Variants in KDM4A observed in about 807,000 individuals in gnomAD.
KDM4A encodes the protein lysine demethylase 4A, also known as lysine-specific demethylase 4A.
KDM4A carries 23 observed loss-of-function variants against 127.1 expected under a neutral mutation model. That is an observed-to-expected ratio of 0.18 (90% CI 0.13 to 0.26). The LOEUF (loss-of-function observed/expected upper bound fraction) is 0.26. Among genes scored for constraint, KDM4A ranks in the 10% least tolerant of loss-of-function variants. The pLI is 1.00. For missense variants in KDM4A, 890 were observed against 1,329.1 expected (o/e 0.67, Z 5.14); for synonymous variants, 443 against 466.5 (o/e 0.95, Z 0.65).
At chr1:43,659,974 C>A (rs934475078) in intron 3 of KDM4A, among the ~76,000 whole-genome samples, 17 of 152,058 alleles carry the variant, frequency 1.1e-4, no homozygotes, top group African/African-American at 4.1e-4. Context: ...GTCTGTAAGC[C>A]CATTTTCTCC....
chr1:43,658,443 T>C (rs986637517), intron 3 of KDM4A, among the ~76,000 whole-genome samples: 7 of 151,794 alleles, frequency 4.6e-5, no homozygotes, highest in African/African-American at 1.7e-4. Flanking sequence ...GAATGTTAGG[T>C]CTCTAAAATT....
At chr1:43,685,409 C>T (rs1392242739) in intron 12 of KDM4A, among the ~76,000 whole-genome samples, 3 of 151,918 alleles carry the variant, frequency 2.0e-5, no homozygotes, top group African/African-American at 4.8e-5. Flanking sequence ...CCCTGTCCTA[C>T]CTGGTCCTCT....
chr1:43,668,126 T>C, intron 9 of KDM4A, 107 bp downstream of exon 9: 2 of 1,401,648 alleles, frequency 1.4e-6, no homozygotes, highest in Non-Finnish European at 1.9e-6. Flanking sequence ...TGTTTTGTTT[T>C]TGTTTTTGTT....
intron 8 of KDM4A, 57 bp downstream of exon 8, chr1:43,667,148 T>A: frequency 1.9e-6 from 3 of 1,593,974 alleles, no homozygotes; most frequent in South Asian, 2.2e-5. Flanking sequence ...AAATTCTGGT[T>A]AGATACGTTG....
rs1221460743 is a variant in KDM4A, at chr1:43,660,166, GAAGGCCA to G, written c.315-130_315-124del. The G allele has an allele frequency of 8.0e-6, 8 of 997,436 alleles. No individual in the cohort carries two copies. The East Asian group carries it at 1.9e-4, about 24-fold the overall frequency. The allele number at this position is 997,436 out of a possible 1,614,324, so 61.8% of individuals were successfully genotyped here. ...GGGACTGACTACGTATTAGAGCCTT[GAAGGCCA>G]AGATTATGCCTTGTTCATTTGAAAT... On this transcript the variant is annotated intron_variant, in intron 3 of 21. Coordinates refer to ENST00000372396, the MANE Select transcript of KDM4A (RefSeq NM_014663.3).
At chr1:43,690,740 A>C in intron 13 of KDM4A, 105 bp from the exon 14 acceptor site, 1 of 1,041,046 alleles carries the variant, frequency 9.6e-7, no homozygotes, top group South Asian at 1.3e-5. Context: ...AGCTGTAGCC[A>C]TAGTCAGATC....
chr1:43,676,058 G>A lies in KDM4A; in HGVS notation c.1734+4183G>A, dbSNP rs1326016957. 4.8e-5 allele frequency among the ~76,000 whole-genome samples: 7 copies of A among 145,572 alleles called. No individual in the cohort carries two copies. The East Asian group carries it at 1.2e-3, about 26-fold the overall frequency. ...ATCACACCACTGCACTCCAGTCTGG[G>A]CAAAAGAGTGAAACTTTACCTCAAA... On this transcript the variant is annotated intron_variant, in intron 11 of 21. Transcript: ENST00000372396.
At chr1:43,680,915 T>C (rs191323704) in intron 11 of KDM4A, among the ~76,000 whole-genome samples, 2 of 152,352 alleles carry the variant, frequency 1.3e-5, no homozygotes, top group East Asian at 3.9e-4. Context: ...TGTGGGCATA[T>C]TGGGGAACCA....
chr1:43,682,219 T>C (rs922820420), intron 11 of KDM4A, among the ~76,000 whole-genome samples: 3 of 152,192 alleles, frequency 2.0e-5, no homozygotes, highest in Non-Finnish European at 2.9e-5. Context: ...GCTGGGATTA[T>C]AGGCGTGAGC....
At chr1:43,703,481 A>G (rs887285345) in intron 19 of KDM4A, 136 bp from the exon 20 acceptor site, 2 of 1,124,342 alleles carry the variant, frequency 1.8e-6, no homozygotes, top group Non-Finnish European at 2.5e-6. Context: ...AACTGTTAAC[A>G]TTTTTCAGCC....
At position 43,663,237 on chromosome 1, in the gene KDM4A, T is replaced by G; in HGVS notation, c.623+150T>G. On this transcript the variant is annotated intron_variant, in intron 5 of 21. Coordinates refer to ENST00000372396, the MANE Select transcript of KDM4A (RefSeq NM_014663.3). ...TCCATGTTTTAAACACACTTTCAAG[T>G]GCTAAGATGCTTGCTGTTGGAGCTC... is the stretch of plus-strand genomic sequence containing the variant. 4.6e-6 allele frequency: 3 copies of G among 657,738 alleles called. No homozygotes were observed. In the South Asian group the frequency reaches 6.4e-5, roughly 14 times the overall value. 40.7% of individuals were successfully genotyped at this position (657,738 alleles called of 1,614,324 possible). A position where few individuals can be genotyped will look rare whatever the true frequency, so the allele number is the denominator to read the frequency against.
rs76803214 is a variant in KDM4A, at chr1:43,673,653, G to T, written c.1734+1778G>T. On this transcript the variant is annotated intron_variant, in intron 11 of 21. Coordinates refer to ENST00000372396, the MANE Select transcript of KDM4A (RefSeq NM_014663.3). Reference sequence around the variant, plus strand: ...AGGCTAATGAGCTAATAACTACTGTGTTTCCTTCTCATTGCCTCTGATTGC... The same window carrying T: ...AGGCTAATGAGCTAATAACTACTGTTTTTCCTTCTCATTGCCTCTGATTGC... Among the ~76,000 whole-genome samples the T allele has an allele frequency of 6.0e-3, 917 of 152,120 alleles. 8 individuals carry two copies. The highest frequency in any genetic ancestry group is 0.021 in the African/African-American group (876 of 41,504).
Position 43,705,263 on chromosome 1 carries a change from A to G in KDM4A, c.*893A>G, listed in dbSNP as rs1455029797. ...ACTGGGGCCATTGGAGGCCCACTGTAGGTGGGAGGGAGCTGATTTTGGGGT... is the reference window on the plus strand; with the variant it reads ...ACTGGGGCCATTGGAGGCCCACTGTGGGTGGGAGGGAGCTGATTTTGGGGT... On this transcript the variant is annotated 3_prime_UTR_variant, in exon 22 of 22. Coordinates refer to ENST00000372396, the MANE Select transcript of KDM4A (RefSeq NM_014663.3). The G allele has an allele frequency of 2.7e-5, 3 of 111,176 alleles. No homozygotes were observed. Among genetic ancestry groups the G allele is most frequent in the Non-Finnish European group, 5.1e-5 (3 of 58,828 alleles). 6.9% of individuals were successfully genotyped at this position (111,176 alleles called of 1,614,324 possible). A position where few individuals can be genotyped will look rare whatever the true frequency, so the allele number is the denominator to read the frequency against.
At chr1:43,702,037 C>A (rs1256222456) in intron 19 of KDM4A, 1 of 152,200 alleles carries the variant, frequency 6.6e-6, no homozygotes, top group Admixed American at 6.5e-5. Context: ...GTGAAAAATG[C>A]AATAACAACT....
intron 1 of KDM4A, among the ~76,000 whole-genome samples, chr1:43,652,723 C>G (rs113549389): frequency 6.7e-6 from 1 of 148,304 alleles, no homozygotes; most frequent in East Asian, 2.0e-4. Context: ...CTCTTGTTGC[C>G]CAGTCTGGAG....
At chr1:43,656,843 AGCCTCCCGAGTAGCT>A (rs959660838) in intron 3 of KDM4A, among the ~76,000 whole-genome samples, 4 of 151,386 alleles carry the variant, frequency 2.6e-5, no homozygotes, top group Admixed American at 6.6e-5. Flanking sequence ...CTCCTGTCTC[AGCCTCCCGAGTAGCT>A]GGGATTACAT....
intron 11 of KDM4A, among the ~76,000 whole-genome samples, chr1:43,676,330 AT>A (rs991679014): frequency 1.3e-5 from 2 of 150,914 alleles, no homozygotes; most frequent in Non-Finnish European, 1.5e-5. Context: ...CCCACAAATA[AT>A]TTTTTTTTGA....
rs574747072 is a variant in KDM4A at position 43,675,986 on chromosome 1, C to T, written c.1734+4111C>T. 8.2e-4 allele frequency among the ~76,000 whole-genome samples: 124 copies of T among 150,556 alleles called. 1 individual carries two copies. Among genetic ancestry groups the T allele is most frequent in the African/African-American group, 2.9e-3 (117 of 40,974 alleles). On this transcript the variant is annotated intron_variant, in intron 11 of 21. Coordinates refer to ENST00000372396, the MANE Select transcript of KDM4A (RefSeq NM_014663.3). ...TGCTTGGGAGGCTGAGGCAGGAAAGCGCTTAAACCCTGGGGTGGTGGGGGG... is the reference window on the plus strand; with the variant it reads ...TGCTTGGGAGGCTGAGGCAGGAAAGTGCTTAAACCCTGGGGTGGTGGGGGG...
rs112312318 is a variant in KDM4A, at chr1:43,654,086, G to C, written c.138+773G>C. On this transcript the variant is annotated intron_variant, in intron 2 of 21. Transcript: ENST00000372396. ...TGGACCCTGGTGCCTCCAGAGACTT[G>C]AGACGACCACATCCTCTTTCTTATC... Among the ~76,000 whole-genome samples the C allele has an allele frequency of 6.6e-5, 10 of 152,322 alleles. 2 individuals are homozygous for C. The highest frequency in any genetic ancestry group is 2.4e-4 in the African/African-American group (10 of 41,578).
Sources: gnomAD v4.1 joint callset for allele counts (sites outside exome capture counted in the v4.1 genomes callset) on GRCh38, gnomAD v4.1.1 for gene constraint, MANE v1.5 for transcripts, NCBI Gene and HGNC (gene_info 2026-07-23, HGNC 2026-07-21) for gene names.